Variants in DNAH14 observed in about 807,000 individuals in gnomAD.
The protein encoded by DNAH14 is dynein axonemal heavy chain 14, also known as axonemal beta dynein heavy chain 14.
Under a neutral mutation model 520.9 loss-of-function variants are expected in DNAH14, and 478 were observed. The observed-to-expected ratio is 0.92, with a 90% CI of 0.85 to 0.99. The LOEUF (loss-of-function observed/expected upper bound fraction) is 0.99, where lower values mean the gene tolerates loss of function less well. DNAH14 is among the 50% of genes least tolerant of loss of function. The pLI, the probability that DNAH14 is intolerant of heterozygous loss-of-function variation, is 0.00. For missense variants in DNAH14, 4,831 were observed against 5,234.5 expected (o/e 0.92, Z 2.38); for synonymous variants, 1,581 against 1,757.2 (o/e 0.90, Z 2.51).
At chr1:224,995,118 G>T (rs1248379342) in intron 8 of DNAH14, among the ~76,000 whole-genome samples, 1 of 152,048 alleles carries the variant, frequency 6.6e-6, no homozygotes, top group Non-Finnish European at 1.5e-5. Flanking sequence ...TCTGAATATG[G>T]TTCAGTATTA....
At chr1:225,092,024 C>T (rs1450380886) in intron 21 of DNAH14, among the ~76,000 whole-genome samples, 1 of 152,088 alleles carries the variant, frequency 6.6e-6, no homozygotes, top group Non-Finnish European at 1.5e-5. Flanking sequence ...GAAGATCTAA[C>T]TATTGTAAAT....
At position 225,377,236 on chromosome 1, in the gene DNAH14, G is replaced by T. The variant is rs1160868589; in HGVS notation, c.12517-1G>T. ...AAGCTAACAAAATGTTAAATTTTCAGATATGTCTGCCAGTTCCAGGATCTG... is the reference window on the plus strand; with the variant it reads ...AAGCTAACAAAATGTTAAATTTTCATATATGTCTGCCAGTTCCAGGATCTG... On this transcript the variant is annotated splice_acceptor_variant, in intron 78 of 85. Coordinates refer to ENST00000682510, the MANE Select transcript of DNAH14 (RefSeq NM_001367479.1). LOFTEE classifies it high-confidence loss of function. The T allele has an allele frequency of 1.5e-6, 2 of 1,374,944 alleles. No individual in the cohort carries two copies. Among genetic ancestry groups the T allele is most frequent in the Non-Finnish European group, 1.9e-6 (2 of 1,054,272 alleles). The allele number at this position is 1,374,944 out of a possible 1,614,324, so 85.2% of individuals were successfully genotyped here. A position where few individuals can be genotyped will look rare whatever the true frequency, so the allele number is the denominator to read the frequency against.
intron 23 of DNAH14, among the ~76,000 whole-genome samples, chr1:225,102,382 T>A (rs529333539): frequency 6.6e-6 from 1 of 152,290 alleles, no homozygotes; most frequent in South Asian, 2.1e-4. Flanking sequence ...GCAGCATGAT[T>A]TATAATCCTT....
chr1:225,270,664 C>G, intron 49 of DNAH14, 71 bp from the exon 50 acceptor site: 1 of 1,305,578 alleles, frequency 7.7e-7, no homozygotes, highest in Non-Finnish European at 1.0e-6. Flanking sequence ...CAATTTGGGA[C>G]AGAGACGTAG....
chr1:225,282,746 G>A (rs1262140179), intron 54 of DNAH14, among the ~76,000 whole-genome samples: 2 of 152,200 alleles, frequency 1.3e-5, no homozygotes, highest in African/African-American at 4.8e-5. Flanking sequence ...GGTTGCTAAG[G>A]GAGAGTTTGA....
At chr1:225,393,828 T>TG (rs896301683) in intron 84 of DNAH14, among the ~76,000 whole-genome samples, 5 of 151,612 alleles carry the variant, frequency 3.3e-5, no homozygotes, top group African/African-American at 9.7e-5. Flanking sequence ...TTTTTTTGTT[T>TG]TTTTTTTTGA....
intron 31 of DNAH14, 175 bp from the exon 32 acceptor site, chr1:225,151,830 C>G (rs561222506): frequency 7.2e-6 from 5 of 698,778 alleles, no homozygotes; most frequent in Middle Eastern, 4.8e-4. Context: ...ACAACTTTGG[C>G]TCAGCATGAG....
rs143035288 is a variant in DNAH14 at position 225,394,565 on chromosome 1, A to G, written c.13491+2114A>G. ...TATGATCTATATATAATTGAAGGCCAGGCACGGTGGCTCACACCTGTAATC... is the reference window on the plus strand; with the variant it reads ...TATGATCTATATATAATTGAAGGCCGGGCACGGTGGCTCACACCTGTAATC... On this transcript the variant is annotated intron_variant, in intron 84 of 85. Coordinates refer to ENST00000682510, the MANE Select transcript of DNAH14 (RefSeq NM_001367479.1). Among the ~76,000 whole-genome samples the G allele has an allele frequency of 5.9e-3, 902 of 152,292 alleles. 11 individuals carry two copies. The highest frequency in any genetic ancestry group is 0.02 in the African/African-American group (834 of 41,558).
At chr1:225,263,643 CT>C (rs965749711) in intron 46 of DNAH14, among the ~76,000 whole-genome samples, 1 of 151,980 alleles carries the variant, frequency 6.6e-6, no homozygotes, top group African/African-American at 2.4e-5. Flanking sequence ...TCCTACTACA[CT>C]TAAATAAGGC....
intron 9 of DNAH14, among the ~76,000 whole-genome samples, chr1:225,004,309 G>A (rs1049775334): frequency 1.3e-5 from 2 of 152,124 alleles, no homozygotes; most frequent in African/African-American, 4.8e-5. Context: ...AAAGTATAAG[G>A]TAAGGAATGT....
intron 60 of DNAH14, among the ~76,000 whole-genome samples, chr1:225,308,918 G>A (rs937834130): frequency 5.3e-5 from 8 of 152,214 alleles, no homozygotes; most frequent in African/African-American, 1.9e-4. Flanking sequence ...CCTGCTCAGA[G>A]CAAGTCAAGA....
intron 36 of DNAH14, among the ~76,000 whole-genome samples, chr1:225,171,540 G>T (rs186263965): frequency 6.6e-6 from 1 of 152,180 alleles, no homozygotes; most frequent in South Asian, 2.1e-4. Context: ...AAAATTTCTC[G>T]ACACATACAC....
intron 60 of DNAH14, among the ~76,000 whole-genome samples, chr1:225,310,030 A>G (rs1047902288): frequency 6.6e-6 from 1 of 150,906 alleles, no homozygotes; most frequent in African/African-American, 2.4e-5. Flanking sequence ...GTATAATAAT[A>G]ATAAATAAAT....
chr1:225,099,309 T>C (rs1292038379), intron 22 of DNAH14, among the ~76,000 whole-genome samples: 2 of 152,010 alleles, frequency 1.3e-5, no homozygotes, highest in African/African-American at 2.4e-5. Context: ...TTGCCTCTTC[T>C]CTGGAGAATT....
At chr1:225,177,756 T>C (rs1307298789) in intron 36 of DNAH14, among the ~76,000 whole-genome samples, 1 of 152,168 alleles carries the variant, frequency 6.6e-6, no homozygotes, top group East Asian at 1.9e-4. Flanking sequence ...TGGAAATGCC[T>C]GGATGTCCAG....
chr1:224,954,934 T>C, intron 2 of DNAH14, 25 bp from the exon 3 acceptor site: 1 of 1,539,760 alleles, frequency 6.5e-7, no homozygotes. Flanking sequence ...TTTATTTTCT[T>C]AGAATTGTTT....
At chr1:225,281,692 A>G (rs902618098) in intron 54 of DNAH14, among the ~76,000 whole-genome samples, 13 of 152,198 alleles carry the variant, frequency 8.5e-5, no homozygotes, top group African/African-American at 3.1e-4. Context: ...AAGATGTAAT[A>G]TATGTAACAA....
intron 82 of DNAH14, among the ~76,000 whole-genome samples, chr1:225,388,908 C>T (rs1016549395): frequency 6.6e-6 from 1 of 152,048 alleles, no homozygotes; most frequent in Non-Finnish European, 1.5e-5. Flanking sequence ...ATTATGGGCA[C>T]CTGCCACCAT....
At chr1:225,305,188 T>C (rs2094215373) in intron 58 of DNAH14, 99 bp downstream of exon 58, 2 of 1,334,194 alleles carry the variant, frequency 1.5e-6, no homozygotes, top group Non-Finnish European at 1.0e-6. Context: ...TCTGCCTTTT[T>C]GGTGGGACAA....
Sources: gnomAD v4.1 joint callset for allele counts (sites outside exome capture counted in the v4.1 genomes callset) on GRCh38, gnomAD v4.1.1 for gene constraint, MANE v1.5 for transcripts, NCBI Gene and HGNC (gene_info 2026-07-23, HGNC 2026-07-21) for gene names.